UBP1: variants seen among roughly 807,000 people sequenced by gnomAD.
UBP1 encodes upstream binding protein 1.
Under a neutral mutation model 76.1 loss-of-function variants are expected in UBP1, and 22 were observed. The observed-to-expected ratio is 0.29, with a 90% confidence interval of 0.21 to 0.41. The LOEUF (loss-of-function observed/expected upper bound fraction) is 0.41. UBP1 is among the 10% of genes least tolerant of loss of function. The pLI is 1.00. For missense variants in UBP1, 436 were observed against 668.1 expected (o/e 0.65, Z 3.83); for synonymous variants, 224 against 237.1 (o/e 0.94, Z 0.51).
At chr3:33,396,106 C>G in intron 13 of UBP1, 56 bp downstream of exon 13, 2 of 1,444,720 alleles carry the variant, frequency 1.4e-6, no homozygotes, top group Non-Finnish European at 1.9e-6. Flanking sequence ...CGAGTCCTTT[C>G]CGTTTCTGTC....
At chr3:33,436,648 A>G (rs2045209243) in intron 1 of UBP1, among the ~76,000 whole-genome samples, 1 of 152,258 alleles carries the variant, frequency 6.6e-6, no homozygotes, top group Admixed American at 6.5e-5. Flanking sequence ...TAACTTGGCT[A>G]CAGATGATAA....
chr3:33,428,887 A>G (rs546255071), intron 1 of UBP1, among the ~76,000 whole-genome samples: 1 of 149,814 alleles, frequency 6.7e-6, no homozygotes, highest in Non-Finnish European at 1.5e-5. Context: ...TGCTCCAACT[A>G]CCCCGGCCTC....
intron 1 of UBP1, among the ~76,000 whole-genome samples, chr3:33,432,031 A>C (rs896518089): frequency 1.3e-5 from 2 of 152,194 alleles, no homozygotes; most frequent in South Asian, 4.1e-4. Context: ...TACTCATCCA[A>C]AGAAAGTTAA....
rs2043992355 is a variant in UBP1 at position 33,396,298 on chromosome 3, C to T, written c.1272-18G>A. 1 of 1,552,312 alleles carries T rather than the reference C, an allele frequency of 6.4e-7. No homozygotes were observed. Among genetic ancestry groups the T allele is most frequent in the Non-Finnish European group, 8.8e-7 (1 of 1,132,034 alleles). The stretch of plus-strand genomic sequence containing the variant: ...TAACCGACCTGCAATCAGAAGATGC[C>T]ACTGATGAGCCTGGGAGAGAAAGCT... On this transcript the variant is annotated intron_variant, in intron 12 of 15. Transcript: ENST00000283629.
chr3:33,441,006 G>T (rs1471940325), upstream of UBP1: 2 of 152,244 alleles, frequency 1.3e-5, no homozygotes, highest in Admixed American at 6.5e-5. Context: ...AAGAGCTCTG[G>T]AAAGACTTCC....
chr3:33,435,513 C>G (rs990610396), intron 1 of UBP1, among the ~76,000 whole-genome samples: 1 of 152,162 alleles, frequency 6.6e-6, no homozygotes, highest in Admixed American at 6.5e-5. Context: ...GGTGGCACTG[C>G]CTGTAGTTCC....
intron 8 of UBP1, among the ~76,000 whole-genome samples, chr3:33,408,246 T>C (rs1421159079): frequency 6.6e-6 from 1 of 152,210 alleles, no homozygotes; most frequent in African/African-American, 2.4e-5. Flanking sequence ...TGCCATCATC[T>C]AACTGTCCAC....
At chr3:33,436,066 AACTT>A (rs1388654851) in intron 1 of UBP1, among the ~76,000 whole-genome samples, 1 of 152,242 alleles carries the variant, frequency 6.6e-6, no homozygotes, top group Non-Finnish European at 1.5e-5. Context: ...ATCTTGTACT[AACTT>A]AATACTGATC....
At chr3:33,437,928 CAATT>C (rs1270123037) in intron 1 of UBP1, among the ~76,000 whole-genome samples, 3 of 151,606 alleles carry the variant, frequency 2.0e-5, no homozygotes, top group Non-Finnish European at 2.9e-5. Context: ...TTTGAGGACT[CAATT>C]AAATACGAAA....
At position 33,439,792 on chromosome 3, in the gene UBP1, GA is replaced by G; in HGVS notation, c.56del (p.Phe19SerfsTer19). The G allele has an allele frequency of 6.2e-7, 1 of 1,612,768 alleles. No homozygotes were observed. Among genetic ancestry groups the G allele is most frequent in the South Asian group, 1.1e-5 (1 of 91,006 alleles). On this transcript the variant is annotated frameshift_variant, in exon 1 of 16. Transcript: ENST00000283629. LOFTEE classifies it high-confidence loss of function. ...EVIESGLVHD[F>X]DASLSGIGQE... ...GCCCGATGCCCGAGAGGCTGGCGTC[GA>G]AGTCGTGCACCAGCCCGGACTCGAT...
intron 3 of UBP1, 73 bp downstream of exon 3, chr3:33,416,659 GTAATACAACAATTATTGAAGTGAAAT>G: frequency 1.1e-6 from 1 of 914,840 alleles, no homozygotes; most frequent in Non-Finnish European, 1.6e-6. Flanking sequence ...TTAAAAAGTT[GTAATACAACAATTATTGAAGTGAAAT>G]TAATTTTTTT....
chr3:33,405,878 GCTTAAAACGCTTGTCTGACATC>G (rs571763261), intron 8 of UBP1, among the ~76,000 whole-genome samples: 1 of 152,238 alleles, frequency 6.6e-6, no homozygotes, highest in South Asian at 2.1e-4. Context: ...GGCTACAGGG[GCTTAAAACGCTTGTCTGACATC>G]CATCAAAAGC....
At chr3:33,438,567 G>A (rs913708042) in intron 1 of UBP1, among the ~76,000 whole-genome samples, 6 of 152,208 alleles carry the variant, frequency 3.9e-5, no homozygotes, top group Non-Finnish European at 8.8e-5. Flanking sequence ...ACTGCAGAGA[G>A]AAGAGGTGCC....
intron 2 of UBP1, among the ~76,000 whole-genome samples, chr3:33,419,155 C>T (rs2044815982): frequency 6.6e-6 from 1 of 152,102 alleles, no homozygotes; most frequent in South Asian, 2.1e-4. Context: ...AGAAGAGTCA[C>T]CATTTCCTGA....
rs924144458 is a variant in UBP1, at chr3:33,389,859, T to G, written c.*472A>C. 4.4e-5 allele frequency: 7 copies of G among 157,740 alleles called. No individual in the cohort carries two copies. The highest frequency in any genetic ancestry group is 1.7e-4 in the African/African-American group (7 of 41,520). The allele number at this position is 157,740 out of a possible 1,614,324, so 9.8% of individuals were successfully genotyped here. ...CGGCCACATCAGCACAACACAACTC[T>G]CCGCATACAGATTCACTGCTGGCCC... On this transcript the variant is annotated 3_prime_UTR_variant, in exon 16 of 16. Coordinates refer to ENST00000283629, the MANE Select transcript of UBP1 (RefSeq NM_014517.5).
In UBP1 at chr3:33,401,396, C is replaced by CA. The variant is rs894530381; in HGVS notation, c.1032-381dup. Among the ~76,000 whole-genome samples, 43 of 151,308 alleles carry CA rather than the reference C, an allele frequency of 2.8e-4. No homozygotes were observed. The South Asian group carries it at 7.5e-3, about 26-fold the overall frequency. ...TTAGATAAATAGTTGAAAATAATTG[C>CA]AAAAAAAATGAGCTACAAGAAATAG... On this transcript the variant is annotated intron_variant, in intron 9 of 15. Coordinates refer to ENST00000283629, the MANE Select transcript of UBP1 (RefSeq NM_014517.5).
intron 10 of UBP1, 25 bp downstream of exon 10, chr3:33,400,937 A>T: frequency 6.3e-7 from 1 of 1,590,058 alleles, no homozygotes; most frequent in Non-Finnish European, 8.5e-7. Context: ...AAAGCATCAG[A>T]TAGTTTTAGG....
intron 5 of UBP1, 126 bp downstream of exon 5, chr3:33,411,455 T>C (rs1260559370): frequency 1.6e-5 from 12 of 773,214 alleles, no homozygotes; most frequent in Admixed American, 2.6e-5. Flanking sequence ...ACTATGTATA[T>C]AGAAAGACAC....
rs623244 is a variant in UBP1 at position 33,402,794 on chromosome 3, T to C, written c.1031+7A>G. 10 of 1,546,478 alleles carry C rather than the reference T, an allele frequency of 6.5e-6. No individual in the cohort carries two copies. Among genetic ancestry groups the C allele is most frequent in the Non-Finnish European group, 8.7e-6 (10 of 1,150,128 alleles). On this transcript the variant is annotated splice_region_variant and intron_variant, in intron 9 of 15. Transcript: ENST00000283629. ...GCTGCAGGCACACGATCACACAAACTAGATACCTGTCTGGGACACTGCAAG... is the reference window on the plus strand; with the variant it reads ...GCTGCAGGCACACGATCACACAAACCAGATACCTGTCTGGGACACTGCAAG...
Sources: allele counts gnomAD v4.1 joint callset (sites outside exome capture counted in the v4.1 genomes callset), GRCh38; gene constraint gnomAD v4.1.1; transcripts MANE v1.5; gene names NCBI Gene and HGNC (gene_info 2026-07-23, HGNC 2026-07-21).